RASSF8: variants seen among roughly 807,000 people sequenced by gnomAD.
RASSF8 encodes Ras association domain family member 8.
In RASSF8, 22 loss-of-function variants were observed where a neutral mutation model predicts 48.5. The observed-to-expected ratio is 0.45, with a 90% CI of 0.32 to 0.65. The LOEUF is 0.65. Ranked by LOEUF, RASSF8 falls within the 30% of genes least tolerant of loss-of-function variation. RASSF8 has a pLI of 0.03. For missense variants in RASSF8, 418 were observed against 489.2 expected (o/e 0.85, Z 1.37); for synonymous variants, 127 against 171.5 (o/e 0.74, Z 2.03).
At chr12:25,961,425 C>T (rs1403373578) in intron 1 of RASSF8, among the ~76,000 whole-genome samples, 1 of 152,060 alleles carries the variant, frequency 6.6e-6, no homozygotes, top group African/African-American at 2.4e-5. Flanking sequence ...AATAATATAA[C>T]GTTTATTTAC....
At chr12:26,035,560 TTTATA>T (rs1236068090) in intron 2 of RASSF8, among the ~76,000 whole-genome samples, 11 of 141,136 alleles carry the variant, frequency 7.8e-5, no homozygotes, top group Non-Finnish European at 1.5e-4. Context: ...GTGTATATAT[TTTATA>T]TTATATATTG....
chr12:25,974,776 C>T (rs1030893464), intron 1 of RASSF8, among the ~76,000 whole-genome samples: 1 of 152,086 alleles, frequency 6.6e-6, no homozygotes, highest in African/African-American at 2.4e-5. Context: ...CTGAGTTTGT[C>T]TGCCTCTTCC....
chr12:26,051,099 T>A (rs1943480302), intron 2 of RASSF8, among the ~76,000 whole-genome samples: 1 of 152,178 alleles, frequency 6.6e-6, no homozygotes, highest in African/African-American at 2.4e-5. Context: ...GTGTCCCAAA[T>A]TACTAGATTT....
At position 26,068,641 on chromosome 12, in the gene RASSF8, G is replaced by A; in HGVS notation, c.1139-56G>A. On this transcript the variant is annotated intron_variant, in intron 5 of 5. Coordinates refer to ENST00000689635, the MANE Select transcript of RASSF8 (RefSeq NM_001394098.1). ...AGGAAGCAGTCTGATTTTTTATATT[G>A]CTAAGTACTCCAAGTTGACGAGCTC... 2.2e-6 allele frequency: 3 copies of A among 1,347,118 alleles called. No homozygotes were observed. In the South Asian group the frequency reaches 3.8e-5, roughly 17 times the overall value. The allele number at this position is 1,347,118 out of a possible 1,614,324, so 83.4% of individuals were successfully genotyped here. A position where few individuals can be genotyped will look rare whatever the true frequency, so the allele number is the denominator to read the frequency against.
rs1943936713 is a variant in RASSF8 at position 26,068,702 on chromosome 12, C to T, written c.1144C>T (p.Pro382Ser). 1 of 1,537,204 alleles carries T rather than the reference C, an allele frequency of 6.5e-7. No individual in the cohort carries two copies. The highest frequency in any genetic ancestry group is 2.0e-5 in the Admixed American group (1 of 51,000). ...TCTCTTTGTTTCCTGTTTAGAGGCA[C>T]CATTCCAGTCTGGGTCCCTGAAGCG... ...ASHADIEREA[P>S]FQSGSLKRPG... The change falls in exon 6 of 6, where the codon CCA becomes TCA. Residue 382 changes from proline (P) to serine (S), a missense_variant. Physicochemically the swap from Pro to Ser is moderately conservative, Grantham distance 74 (BLOSUM62 -1). Coordinates refer to ENST00000689635, the MANE Select transcript of RASSF8 (RefSeq NM_001394098.1).
intron 1 of RASSF8, among the ~76,000 whole-genome samples, chr12:25,985,050 G>A (rs767942996): frequency 6.6e-6 from 1 of 152,134 alleles, no homozygotes; most frequent in Non-Finnish European, 1.5e-5. Flanking sequence ...TTTTTCAGAT[G>A]CAGATTCACA....
chr12:26,051,006 C>T (rs955144882), intron 2 of RASSF8, among the ~76,000 whole-genome samples: 4 of 152,082 alleles, frequency 2.6e-5, no homozygotes, highest in Non-Finnish European at 4.4e-5. Context: ...TTTAAAAAAA[C>T]ATTTATTGGG....
intron 3 of RASSF8, 95 bp from the exon 4 acceptor site, chr12:26,064,403 A>G (rs763268605): frequency 1.6e-6 from 2 of 1,267,978 alleles, no homozygotes; most frequent in Non-Finnish European, 2.2e-6. Flanking sequence ...TCTGATGCTA[A>G]TCGAAAATAC....
chr12:26,058,667 A>T (rs548334436), intron 3 of RASSF8, among the ~76,000 whole-genome samples: 5 of 152,244 alleles, frequency 3.3e-5, no homozygotes, highest in East Asian at 3.8e-4. Flanking sequence ...AAATATGCAC[A>T]CAAGTTGTCA....
Position 26,064,418 on chromosome 12 carries a change from T to A in RASSF8, c.104-80T>A, listed in dbSNP as rs1318474343. ...TCTGATGCTAATCGAAAATACACAA[T>A]CATCAAATGGCATTCTTACTCCATT... On this transcript the variant is annotated intron_variant, in intron 3 of 5. Coordinates refer to ENST00000689635, the MANE Select transcript of RASSF8 (RefSeq NM_001394098.1). The A allele has an allele frequency of 1.4e-5, 19 of 1,339,184 alleles. No individual in the cohort carries two copies. The South Asian group carries it at 1.4e-4, about 10-fold the overall frequency. 83.0% of individuals were successfully genotyped at this position (1,339,184 alleles called of 1,614,324 possible). A position where few individuals can be genotyped will look rare whatever the true frequency, so the allele number is the denominator to read the frequency against.
chr12:26,054,216 A>G (rs556939170), intron 2 of RASSF8, among the ~76,000 whole-genome samples: 1 of 152,352 alleles, frequency 6.6e-6, no homozygotes, highest in Non-Finnish European at 1.5e-5. Flanking sequence ...GAGAATTTAC[A>G]TAGGAAGAGT....
Position 26,071,188 on chromosome 12 carries a change from A to G in RASSF8, c.*2370A>G, listed in dbSNP as rs1044051734. The G allele has an allele frequency of 4.1e-6, 4 of 979,064 alleles. No individual in the cohort carries two copies. The highest frequency in any genetic ancestry group is 9.4e-5 in the South Asian group (2 of 21,166). 60.6% of individuals were successfully genotyped at this position (979,064 alleles called of 1,614,324 possible). On this transcript the variant is annotated 3_prime_UTR_variant, in exon 6 of 6. Transcript: ENST00000689635. Reference sequence around the variant, plus strand: ...GGAATATTTTCTAAGACTCAGAGGGAAAAAAACTCGTTTTCATAGGATCAT... The same window carrying G: ...GGAATATTTTCTAAGACTCAGAGGGGAAAAAACTCGTTTTCATAGGATCAT...
intron 2 of RASSF8, among the ~76,000 whole-genome samples, chr12:26,025,920 G>T (rs1279393637): frequency 6.6e-6 from 1 of 152,090 alleles, no homozygotes; most frequent in African/African-American, 2.4e-5. Flanking sequence ...TCATGTTCAT[G>T]GATCTGTTGG....
Position 26,072,058 on chromosome 12 carries a change from T to C in RASSF8, c.*3240T>C. 1 of 985,404 alleles carries C rather than the reference T, an allele frequency of 1.0e-6. No individual in the cohort carries two copies. The highest frequency in any genetic ancestry group is 1.7e-5 in the African/African-American group (1 of 57,356). 61.0% of individuals were successfully genotyped at this position (985,404 alleles called of 1,614,324 possible). On this transcript the variant is annotated 3_prime_UTR_variant, in exon 6 of 6. Transcript: ENST00000689635. ...AATAACACAGAAAAGACAAAAACTT[T>C]TGATTTCAGGCATGCAAAGTGCTTG... is the stretch of plus-strand genomic sequence containing the variant.
At chr12:26,036,415 C>T (rs1337606979) in intron 2 of RASSF8, among the ~76,000 whole-genome samples, 2 of 151,924 alleles carry the variant, frequency 1.3e-5, no homozygotes, top group Non-Finnish European at 2.9e-5. Context: ...TTAAGCTATT[C>T]TTAAAATTTT....
chr12:26,055,460 G>T lies in RASSF8; in HGVS notation c.103+14G>T. ...CTCAAGCAATAGGTGAGTGAACTCT[G>T]TGGGTATCTGAGAAAAGTACATTGT... On this transcript the variant is annotated intron_variant, in intron 3 of 5. Coordinates refer to ENST00000689635, the MANE Select transcript of RASSF8 (RefSeq NM_001394098.1). The T allele has an allele frequency of 6.3e-7, 1 of 1,587,684 alleles. No homozygotes were observed. Among genetic ancestry groups the T allele is most frequent in the Non-Finnish European group, 8.7e-7 (1 of 1,156,026 alleles).
In RASSF8 at chr12:26,071,272, A is replaced by G. The variant is rs1455847843; in HGVS notation, c.*2454A>G. ...TATCTATTGCAAATACAAATGAATTAGATAAGTGCCACATCCTGGATACAT... is the reference window on the plus strand; with the variant it reads ...TATCTATTGCAAATACAAATGAATTGGATAAGTGCCACATCCTGGATACAT... On this transcript the variant is annotated 3_prime_UTR_variant, in exon 6 of 6. Coordinates refer to ENST00000689635, the MANE Select transcript of RASSF8 (RefSeq NM_001394098.1). 3.0e-6 allele frequency: 3 copies of G among 983,892 alleles called. No individual in the cohort carries two copies. Among genetic ancestry groups the G allele is most frequent in the Non-Finnish European group, 3.6e-6 (3 of 828,660 alleles). 60.9% of individuals were successfully genotyped at this position (983,892 alleles called of 1,614,324 possible).
At chr12:25,967,312 TATA>T (rs1392690659) in intron 1 of RASSF8, among the ~76,000 whole-genome samples, 1 of 152,228 alleles carries the variant, frequency 6.6e-6, no homozygotes, top group Non-Finnish European at 1.5e-5. Context: ...TGCTCTCTGT[TATA>T]ATAATAAAGT....
chr12:26,064,760 G>T lies in RASSF8; in HGVS notation c.366G>T (p.Arg122Ser). The T allele has an allele frequency of 3.1e-6, 5 of 1,614,142 alleles. No homozygotes were observed. The highest frequency in any genetic ancestry group is 3.4e-6 in the Non-Finnish European group (4 of 1,180,026). ...CTCAGATTGACAAATCAATCAAAAG[G>T]AGGGAACCGAAAAGGAAATCACTGA... ...LRPQIDKSIK[R>S]REPKRKSLTF... The change falls in exon 4 of 6, where the codon AGG (arginine) becomes AGT (serine). Residue 122 changes from arginine (R) to serine (S), a missense_variant. Transcript: ENST00000689635.
Sources: allele counts gnomAD v4.1 joint callset (sites outside exome capture counted in the v4.1 genomes callset), GRCh38; gene constraint gnomAD v4.1.1; transcripts MANE v1.5; gene names NCBI Gene and HGNC (gene_info 2026-07-23, HGNC 2026-07-21).